Variants in EDAR observed in about 807,000 individuals in gnomAD.
EDAR encodes the protein tumor necrosis factor receptor superfamily member EDAR.
Under a neutral mutation model 51.3 loss-of-function variants are expected in EDAR, and 38 were observed. That is an observed-to-expected ratio of 0.74 (90% CI 0.57 to 0.97). The LOEUF is 0.97. EDAR is among the 50% of genes least tolerant of loss of function. The probability of loss-of-function intolerance (pLI) is 0.00; values close to 1 mark genes in which losing one functional copy is unlikely to be tolerated. For missense variants in EDAR, 528 were observed against 595.0 expected (o/e 0.89, Z 1.17); for synonymous variants, 227 against 242.1 (o/e 0.94, Z 0.58).
intron 5 of EDAR, among the ~76,000 whole-genome samples, chr2:108,921,640 C>T (rs991036261): frequency 7.2e-5 from 11 of 152,196 alleles, no homozygotes; most frequent in Non-Finnish European, 1.3e-4. Context: ...CTAGCTCCGA[C>T]GTTTTTGCTG....
intron 1 of EDAR, among the ~76,000 whole-genome samples, chr2:108,937,394 G>A (rs570492248): frequency 6.6e-6 from 1 of 152,222 alleles, no homozygotes; most frequent in African/African-American, 2.4e-5. Context: ...ACACGTGAGT[G>A]TATGTGTATC....
At chr2:108,985,416 G>A (rs779348257) in intron 1 of EDAR, among the ~76,000 whole-genome samples, 14 of 152,350 alleles carry the variant, frequency 9.2e-5, no homozygotes, top group Middle Eastern at 3.4e-3. Flanking sequence ...GCATGAGCTC[G>A]CAGGGTGGTG....
At chr2:108,965,301 C>T (rs1698127092) in intron 1 of EDAR, among the ~76,000 whole-genome samples, 1 of 151,970 alleles carries the variant, frequency 6.6e-6, no homozygotes, top group Admixed American at 6.6e-5. Flanking sequence ...CATGGTGAAA[C>T]CCCATCTCTA....
intron 5 of EDAR, among the ~76,000 whole-genome samples, chr2:108,918,030 G>A (rs937600920): frequency 3.9e-5 from 6 of 151,950 alleles, no homozygotes; most frequent in East Asian, 1.9e-4. Flanking sequence ...TATTATTAGC[G>A]CACCAGCATC....
At chr2:108,907,827 C>G (rs143541641) in intron 10 of EDAR, 33 bp downstream of exon 10, 100 of 1,612,878 alleles carry the variant, frequency 6.2e-5, no homozygotes, top group Non-Finnish European at 7.5e-5. Flanking sequence ...AGCCACATCT[C>G]ACAGCTCATC....
Position 108,907,860 on chromosome 2 carries a change from C to T in EDAR, c.963G>A (p.Gly321=). The T allele has an allele frequency of 7.4e-6, 12 of 1,613,466 alleles. No homozygotes were observed. The highest frequency in any genetic ancestry group is 1.0e-5 in the Non-Finnish European group (12 of 1,180,018). Residue 321 remains glycine (G), a splice_region_variant and synonymous_variant, in exon 10 of 12, where the codon GGG becomes GGA. Transcript: ENST00000258443. ...ATCATGGCACCTGCAGGAGCCTCAC[C>T]CCGGCTGACTTGTTGCTGGTGGCAG... is the stretch of plus-strand genomic sequence containing the variant. ...EKSATSNKSA[G]IQSRRKKILD... is the part of the protein sequence containing the mutation.
intron 1 of EDAR, among the ~76,000 whole-genome samples, chr2:108,981,541 C>T (rs941699368): frequency 3.9e-5 from 6 of 152,204 alleles, no homozygotes; most frequent in Admixed American, 6.5e-5. Context: ...GTCCAGGATC[C>T]GGGGCTAGCC....
chr2:108,898,312 G>A (rs1406434292), intron 11 of EDAR, among the ~76,000 whole-genome samples: 1 of 152,118 alleles, frequency 6.6e-6, no homozygotes, highest in Non-Finnish European at 1.5e-5. Context: ...CCCCCGTGGT[G>A]ACCATGTCAG....
chr2:108,907,976 T>C lies in EDAR; in HGVS notation c.847A>G (p.Ser283Gly). Residue 283 changes from serine (S) to glycine (G), a missense_variant, in exon 10 of 12, where the codon AGC becomes GGC. Physicochemically the swap from Ser to Gly is moderately conservative, Grantham distance 56 (BLOSUM62 0). Coordinates refer to ENST00000258443, the MANE Select transcript of EDAR (RefSeq NM_022336.4). The stretch of plus-strand genomic sequence containing the variant: ...GCGGGCTCCTCATCACTGTCGACGC[T>C]CCGGCTCAGCAGCTGCTCATTCTCG... Reference protein sequence around the residue: ...SSENEQLLSRSVDSDEEPAPD... With the variant: ...SSENEQLLSRGVDSDEEPAPD... 6.2e-7 allele frequency: 1 copy of C among 1,612,302 alleles called. No homozygotes were observed. Among genetic ancestry groups the C allele is most frequent in the Admixed American group, 1.7e-5 (1 of 59,992 alleles).
At chr2:108,931,425 G>C (rs939674158) in intron 1 of EDAR, among the ~76,000 whole-genome samples, 1 of 152,242 alleles carries the variant, frequency 6.6e-6, no homozygotes, top group African/African-American at 2.4e-5. Context: ...CCCCTGGAGA[G>C]ACTGCCAGGA....
At chr2:108,952,340 T>G (rs1341187276) in intron 1 of EDAR, among the ~76,000 whole-genome samples, 2 of 152,204 alleles carry the variant, frequency 1.3e-5, no homozygotes, top group African/African-American at 4.8e-5. Flanking sequence ...ACTTTAAATA[T>G]CAGGATTTTG....
At chr2:108,901,258 T>A (rs1300373385) in intron 11 of EDAR, among the ~76,000 whole-genome samples, 4 of 152,044 alleles carry the variant, frequency 2.6e-5, no homozygotes, top group Non-Finnish European at 5.9e-5. Flanking sequence ...AAAGAGGAAG[T>A]CTCAAAGACA....
intron 1 of EDAR, among the ~76,000 whole-genome samples, chr2:108,954,899 G>T (rs547368294): frequency 6.6e-6 from 1 of 152,114 alleles, no homozygotes; most frequent in South Asian, 2.1e-4. Flanking sequence ...GGCCAGGCTG[G>T]CCTTGAACTC....
intron 2 of EDAR, 86 bp from the exon 3 acceptor site, chr2:108,930,328 G>T (rs1697343013): frequency 7.6e-6 from 12 of 1,572,044 alleles, no homozygotes; most frequent in Non-Finnish European, 9.6e-6. Context: ...GACATAGGAA[G>T]GGGGTGCCCT....
intron 1 of EDAR, among the ~76,000 whole-genome samples, chr2:108,950,286 T>C (rs1386589368): frequency 6.6e-6 from 1 of 151,672 alleles, no homozygotes. Context: ...TTTCTTTTTT[T>C]TCTTTTTTTG....
chr2:108,904,297 CAT>C (rs1185149457), intron 11 of EDAR, among the ~76,000 whole-genome samples: 5 of 152,192 alleles, frequency 3.3e-5, no homozygotes, highest in African/African-American at 1.2e-4. Context: ...TAAAACAAAA[CAT>C]AGTAACACCA....
Position 108,896,815 on chromosome 2 carries a change from G to A in EDAR, c.*92C>T. ...TACGGTGACATATCACAAAAGCCTT[G>A]ATTCTTGGCAGTCTTTTGGCACCAC... is the stretch of plus-strand genomic sequence containing the variant. On this transcript the variant is annotated 3_prime_UTR_variant, in exon 12 of 12. Transcript: ENST00000258443. 1 of 1,302,738 alleles carries A rather than the reference G, an allele frequency of 7.7e-7. No individual in the cohort carries two copies. The highest frequency in any genetic ancestry group is 1.1e-6 in the Non-Finnish European group (1 of 935,514). The allele number at this position is 1,302,738 out of a possible 1,614,324, so 80.7% of individuals were successfully genotyped here. A position where few individuals can be genotyped will look rare whatever the true frequency, so the allele number is the denominator to read the frequency against.
rs1325827715 is a variant in EDAR, at chr2:108,895,162, A to ATGAT, written c.*1741_*1744dup. On this transcript the variant is annotated 3_prime_UTR_variant, in exon 12 of 12. Coordinates refer to ENST00000258443, the MANE Select transcript of EDAR (RefSeq NM_022336.4). The stretch of plus-strand genomic sequence containing the variant: ...AAACAGCAGCAAACAGACACAGTAA[A>ATGAT]TGATGATATTAAATATTCAGGACCT... 6.6e-6 allele frequency: 1 copy of ATGAT among 152,640 alleles called. No individual in the cohort carries two copies. The highest frequency in any genetic ancestry group is 6.5e-5 in the Admixed American group (1 of 15,284). 9.5% of individuals were successfully genotyped at this position (152,640 alleles called of 1,614,324 possible).
chr2:108,914,882 C>T, intron 5 of EDAR, among the ~76,000 whole-genome samples: 1 of 152,174 alleles, frequency 6.6e-6, no homozygotes, highest in East Asian at 1.9e-4. Context: ...TGCAGCAAGG[C>T]TTCCGGGAGA....
Sources: allele counts gnomAD v4.1 joint callset (sites outside exome capture counted in the v4.1 genomes callset), GRCh38; gene constraint gnomAD v4.1.1; transcripts MANE v1.5; gene names NCBI Gene and HGNC (gene_info 2026-07-23, HGNC 2026-07-21).